Variants in CNTN4 observed in about 807,000 individuals in gnomAD.
The protein encoded by CNTN4 is contactin-4.
A neutral mutation model predicts 122.5 loss-of-function variants in CNTN4; 77 were observed. That is an observed-to-expected ratio of 0.63 (90% CI 0.52 to 0.76). CNTN4 has a LOEUF of 0.76. Ranked by LOEUF, CNTN4 falls within the 30% of genes least tolerant of loss-of-function variation. The probability of loss-of-function intolerance (pLI) is 0.00; values close to 1 mark genes in which losing one functional copy is unlikely to be tolerated. For synonymous variants in CNTN4, 512 were observed against 447.0 expected (o/e 1.15, Z -1.83); for missense variants, 1,256 against 1,259.1 (o/e 1.00, Z 0.04).
intron 13 of CNTN4, among the ~76,000 whole-genome samples, chr3:2,987,651 G>A (rs1376395144): frequency 3.3e-5 from 5 of 152,160 alleles, no homozygotes; most frequent in Non-Finnish European, 7.3e-5. Flanking sequence ...TGGTAGTCAT[G>A]ATGAAAACAG....
At chr3:2,261,155 A>AT (rs1036131578) in intron 2 of CNTN4, among the ~76,000 whole-genome samples, 10 of 151,398 alleles carry the variant, frequency 6.6e-5, no homozygotes, top group Admixed American at 1.3e-4. Flanking sequence ...AAAATTCCTA[A>AT]TTTTTTTTTC....
At chr3:2,306,183 T>C (rs1182289133) in intron 2 of CNTN4, among the ~76,000 whole-genome samples, 1 of 152,176 alleles carries the variant, frequency 6.6e-6, no homozygotes, top group African/African-American at 2.4e-5. Flanking sequence ...AAAGCTATGA[T>C]GAACTTTTTG....
intron 3 of CNTN4, among the ~76,000 whole-genome samples, chr3:2,423,988 G>C (rs186619793): frequency 1.2e-3 from 154 of 131,084 alleles, no homozygotes; most frequent in African/African-American, 4.3e-3. Flanking sequence ...TGTAAATGAC[G>C]AGTTAATGGG....
intron 4 of CNTN4, among the ~76,000 whole-genome samples, chr3:2,639,478 C>G (rs192624425): frequency 9.8e-5 from 15 of 152,314 alleles, no homozygotes; most frequent in African/African-American, 3.6e-4. Context: ...TTACGCACTT[C>G]CCTCCACATT....
At chr3:2,396,660 T>G (rs1252186127) in intron 3 of CNTN4, among the ~76,000 whole-genome samples, 2 of 151,854 alleles carry the variant, frequency 1.3e-5, no homozygotes, top group Non-Finnish European at 2.9e-5. Context: ...GTCTGGGTTT[T>G]TTTTTTTTTT....
intron 7 of CNTN4, among the ~76,000 whole-genome samples, chr3:2,859,542 T>G (rs1014162748): frequency 2.0e-5 from 3 of 151,856 alleles, no homozygotes; most frequent in Non-Finnish European, 2.9e-5. Flanking sequence ...TTCCTGGTTT[T>G]TTTTTTTTTT....
intron 2 of CNTN4, among the ~76,000 whole-genome samples, chr3:2,120,375 A>C (rs564143477): frequency 0.46 from 39,450 of 84,864 alleles, 8,078 homozygotes; most frequent in Middle Eastern, 0.59. Context: ...ATATATATAA[A>C]TATATATATA....
rs2046196209 is a variant in CNTN4, at chr3:2,385,085, A to T, written c.-89+45852A>T. ...TCTATTCTGGTATTACCCAGAACAA[A>T]TAAATTACATTGCTGATATCAGAGT... On this transcript the variant is annotated intron_variant, in intron 3 of 24. Transcript: ENST00000418658. This position sits in a 1 kb window ranked among gnomAD's most constrained non-coding sequence, Gnocchi z 4.0. 6.6e-6 allele frequency among the ~76,000 whole-genome samples: 1 copy of T among 152,122 alleles called. No individual in the cohort carries two copies. The highest frequency in any genetic ancestry group is 2.4e-5 in the African/African-American group (1 of 41,426).
chr3:2,830,199 TTG>T (rs1319032471), intron 7 of CNTN4, among the ~76,000 whole-genome samples: 1 of 152,152 alleles, frequency 6.6e-6, no homozygotes, highest in African/African-American at 2.4e-5. Context: ...GACAGTTAGT[TTG>T]TGTGTACTTT....
At chr3:2,534,927 A>T (rs560435168) in intron 3 of CNTN4, among the ~76,000 whole-genome samples, 19 of 150,108 alleles carry the variant, frequency 1.3e-4, no homozygotes, top group African/African-American at 4.2e-4. Context: ...TGAAACGAGA[A>T]GTGTGTTGAG....
chr3:2,530,310 T>C (rs955239502), intron 3 of CNTN4, among the ~76,000 whole-genome samples: 5 of 125,914 alleles, frequency 4.0e-5, no homozygotes, highest in Non-Finnish European at 6.4e-5. Flanking sequence ...TCTCCTCTTC[T>C]TTTTTTTTTT....
intron 4 of CNTN4, among the ~76,000 whole-genome samples, chr3:2,652,248 C>G (rs922692204): frequency 5.9e-5 from 9 of 152,000 alleles, no homozygotes; most frequent in African/African-American, 2.2e-4. Flanking sequence ...AATAACACAC[C>G]AAGAAATTTG....
At chr3:2,512,515 C>A (rs2076917444) in intron 3 of CNTN4, among the ~76,000 whole-genome samples, 1 of 152,184 alleles carries the variant, frequency 6.6e-6, no homozygotes, top group African/African-American at 2.4e-5. Context: ...TGATGTCTTT[C>A]ACATGATCAA....
intron 6 of CNTN4, among the ~76,000 whole-genome samples, chr3:2,772,052 A>G (rs199813421): frequency 0.091 from 13,890 of 151,944 alleles, 735 homozygotes; most frequent in African/African-American, 0.15. Context: ...CTACAAGGGG[A>G]GAGAGAGAGA....
intron 13 of CNTN4, among the ~76,000 whole-genome samples, chr3:2,955,139 T>C (rs527314029): frequency 6.6e-6 from 1 of 152,172 alleles, no homozygotes; most frequent in South Asian, 2.1e-4. Flanking sequence ...AATGGACCAC[T>C]AAAAAACGGT....
At position 2,890,506 on chromosome 3, in the gene CNTN4, G is replaced by A. The variant is rs143705746; in HGVS notation, c.940+3282G>A. ...AGAAACCTGCTTCTTTGGGTTCCAGGTTGTTTATTGCATTCATCAGCTCTC... is the reference window on the plus strand; with the variant it reads ...AGAAACCTGCTTCTTTGGGTTCCAGATTGTTTATTGCATTCATCAGCTCTC... On this transcript the variant is annotated intron_variant, in intron 10 of 24. Transcript: ENST00000418658. 1.3e-5 allele frequency among the ~76,000 whole-genome samples: 2 copies of A among 152,156 alleles called. 1 individual carries two copies. The highest frequency in any genetic ancestry group is 2.9e-5 in the Non-Finnish European group (2 of 68,032).
chr3:2,682,691 A>G (rs867479983), intron 4 of CNTN4, among the ~76,000 whole-genome samples: 4 of 152,190 alleles, frequency 2.6e-5, no homozygotes. Context: ...ACTGAAAGGT[A>G]GGAATTGGTT....
intron 13 of CNTN4, among the ~76,000 whole-genome samples, chr3:2,980,790 A>G (rs1187485991): frequency 6.6e-6 from 1 of 152,166 alleles, no homozygotes; most frequent in African/African-American, 2.4e-5. Flanking sequence ...GATTTTATAG[A>G]CAGGCTTGAG....
intron 4 of CNTN4, among the ~76,000 whole-genome samples, chr3:2,628,844 T>G (rs1424963873): frequency 3.3e-5 from 5 of 152,166 alleles, no homozygotes; most frequent in African/African-American, 1.2e-4. Flanking sequence ...TTGTAACAAT[T>G]TGGAACTGGA....
Sources: gnomAD v4.1 joint callset for allele counts (sites outside exome capture counted in the v4.1 genomes callset) on GRCh38, gnomAD v4.1.1 for gene constraint, Gnocchi (gnomAD v3.1) non-coding constraint, MANE v1.5 for transcripts, NCBI Gene and HGNC (gene_info 2026-07-23, HGNC 2026-07-21) for gene names.